Variants in HS2ST1 observed in about 807,000 individuals in gnomAD.
The protein encoded by HS2ST1 is 2-O-sulfotransferase.
In HS2ST1, 18 loss-of-function variants were observed where a neutral mutation model predicts 42.9. The ratio of observed to expected loss-of-function variants is 0.42; its 90% confidence interval spans 0.29 to 0.62. The LOEUF (loss-of-function observed/expected upper bound fraction) is 0.62, where lower values mean the gene tolerates loss of function less well. Among genes scored for constraint, HS2ST1 ranks in the 20% least tolerant of loss-of-function variants. The pLI, the probability that HS2ST1 is intolerant of heterozygous loss-of-function variation, is 0.21. For missense variants in HS2ST1, 334 were observed against 433.8 expected (o/e 0.77, Z 2.04); for synonymous variants, 146 against 152.9 (o/e 0.95, Z 0.33).
chr1:87,025,068 A>G (rs1010220688), intron 1 of HS2ST1, among the ~76,000 whole-genome samples: 4 of 152,242 alleles, frequency 2.6e-5, no homozygotes, highest in Admixed American at 6.5e-5. Flanking sequence ...GTGAGGGACT[A>G]TAACATAGAG....
intron 1 of HS2ST1, among the ~76,000 whole-genome samples, chr1:87,015,819 T>G (rs1362432318): frequency 6.6e-6 from 1 of 152,080 alleles, no homozygotes; most frequent in African/African-American, 2.4e-5. Context: ...CTTTCTTTTT[T>G]TTTATTTTTA....
At chr1:87,002,031 G>A (rs1443178597) in intron 1 of HS2ST1, among the ~76,000 whole-genome samples, 2 of 151,958 alleles carry the variant, frequency 1.3e-5, no homozygotes, top group East Asian at 3.9e-4. Flanking sequence ...TCCTACCTCA[G>A]CCACCCGAGT....
At chr1:86,942,641 TTTTGGC>T (rs1660787356) in intron 1 of HS2ST1, among the ~76,000 whole-genome samples, 1 of 152,196 alleles carries the variant, frequency 6.6e-6, no homozygotes, top group African/African-American at 2.4e-5. Flanking sequence ...GTTTAGCTAT[TTTTGGC>T]AAATGAAAAA....
intron 1 of HS2ST1, among the ~76,000 whole-genome samples, chr1:86,916,704 T>A (rs1253211549): frequency 1.3e-5 from 2 of 152,182 alleles, no homozygotes; most frequent in Non-Finnish European, 2.9e-5. Context: ...TTCTTTTGGA[T>A]CCATTTAGCG....
chr1:86,931,424 A>C (rs966113704), intron 1 of HS2ST1, among the ~76,000 whole-genome samples: 56 of 152,084 alleles, frequency 3.7e-4, no homozygotes, highest in African/African-American at 1.2e-3. Flanking sequence ...TAAAGTACCA[A>C]AAAGATCTCT....
intron 1 of HS2ST1, among the ~76,000 whole-genome samples, chr1:86,924,416 C>T (rs1254664063): frequency 1.3e-5 from 2 of 152,178 alleles, no homozygotes; most frequent in Non-Finnish European, 2.9e-5. Context: ...TAGGTGGTGC[C>T]CCAGTAGGGA....
chr1:86,968,901 G>A (rs868784461), intron 1 of HS2ST1, among the ~76,000 whole-genome samples: 2 of 152,122 alleles, frequency 1.3e-5, no homozygotes, highest in African/African-American at 4.8e-5. Context: ...TTTGTGTGGA[G>A]ACATAAGATG....
At chr1:87,022,036 C>T (rs529180057) in intron 1 of HS2ST1, among the ~76,000 whole-genome samples, 1 of 151,842 alleles carries the variant, frequency 6.6e-6, no homozygotes, top group East Asian at 1.9e-4. Flanking sequence ...CTGTTTTGAC[C>T]CAGAATTCCC....
At chr1:87,039,992 T>C (rs768206572) in intron 1 of HS2ST1, among the ~76,000 whole-genome samples, 3 of 152,074 alleles carry the variant, frequency 2.0e-5, no homozygotes, top group Non-Finnish European at 2.9e-5. Flanking sequence ...ATCTGAGGGA[T>C]TGAATGTTGT....
At chr1:87,104,017 T>C (rs923183559) in intron 6 of HS2ST1, among the ~76,000 whole-genome samples, 1 of 152,224 alleles carries the variant, frequency 6.6e-6, no homozygotes, top group Non-Finnish European at 1.5e-5. Flanking sequence ...CGTTTTTTGC[T>C]ATTGCTTGAT....
chr1:86,983,032 C>T (rs1384985006), intron 1 of HS2ST1, among the ~76,000 whole-genome samples: 2 of 152,300 alleles, frequency 1.3e-5, no homozygotes, highest in African/African-American at 4.8e-5. Context: ...TTGTCCATAT[C>T]ACAATCAGCC....
chr1:86,915,923 GA>G (rs1392194221), intron 1 of HS2ST1, among the ~76,000 whole-genome samples: 1 of 152,210 alleles, frequency 6.6e-6, no homozygotes, highest in Non-Finnish European at 1.5e-5. Context: ...AGGGAACGCT[GA>G]AGGGGAATTA....
At chr1:87,002,624 GAAAAA>G (rs200882969) in intron 1 of HS2ST1, among the ~76,000 whole-genome samples, 1,818 of 147,314 alleles carry the variant, frequency 0.012, 41 homozygotes, top group African/African-American at 0.043. Context: ...AAAAAAAAAA[GAAAAA>G]GAAAAAAAAG....
chr1:86,940,158 G>A (rs1660731317), intron 1 of HS2ST1, among the ~76,000 whole-genome samples: 1 of 152,096 alleles, frequency 6.6e-6, no homozygotes, highest in African/African-American at 2.4e-5. Context: ...GAGGTCAGGA[G>A]TTCAAAAGTT....
At chr1:86,992,483 C>T (rs139203293) in intron 1 of HS2ST1, among the ~76,000 whole-genome samples, 3,712 of 152,160 alleles carry the variant, frequency 0.024, 75 homozygotes, top group African/African-American at 0.049. Context: ...TCTCCTGCCT[C>T]AGCCTCCCGA....
intron 1 of HS2ST1, among the ~76,000 whole-genome samples, chr1:86,963,883 G>C (rs1298751812): frequency 2.0e-5 from 3 of 149,888 alleles, no homozygotes; most frequent in Non-Finnish European, 4.5e-5. Flanking sequence ...GGGCGGGGCG[G>C]CTGGCCTGGC....
intron 1 of HS2ST1, among the ~76,000 whole-genome samples, chr1:86,918,213 T>TA (rs538780071): frequency 2.8e-4 from 42 of 147,756 alleles, no homozygotes; most frequent in African/African-American, 3.0e-4. Context: ...TAGGAATTCC[T>TA]AAAAAAAAAA....
intron 1 of HS2ST1, among the ~76,000 whole-genome samples, chr1:87,040,628 A>G (rs191416289): frequency 1.3e-5 from 2 of 152,226 alleles, no homozygotes; most frequent in Admixed American, 1.3e-4. Context: ...CCCTTTCAGA[A>G]CCTCAAGAAT....
Position 87,108,498 on chromosome 1 carries a change from C to G in HS2ST1, c.*3802C>G, listed in dbSNP as rs1652387653. On this transcript the variant is annotated 3_prime_UTR_variant, in exon 7 of 7. Coordinates refer to ENST00000370550, the MANE Select transcript of HS2ST1 (RefSeq NM_012262.4). ...GCTGTTATGTTTTTGCATCCGTTTACCCTATGCAAAGTTGCTGTATGATGC... is the reference window on the plus strand; with the variant it reads ...GCTGTTATGTTTTTGCATCCGTTTAGCCTATGCAAAGTTGCTGTATGATGC... 6.6e-6 allele frequency: 1 copy of G among 152,040 alleles called. No homozygotes were observed. The allele number at this position is 152,040 out of a possible 1,614,324, so 9.4% of individuals were successfully genotyped here.
Sources: allele counts gnomAD v4.1 joint callset (sites outside exome capture counted in the v4.1 genomes callset), GRCh38; gene constraint gnomAD v4.1.1; transcripts MANE v1.5; gene names NCBI Gene and HGNC (gene_info 2026-07-23, HGNC 2026-07-21).